Variants in ELAPOR2 observed in about 807,000 individuals in gnomAD.
ELAPOR2 encodes the protein endosome/lysosome-associated apoptosis and autophagy regulator family member 2.
ELAPOR2 carries 89 observed loss-of-function variants against 120.7 expected under a neutral mutation model. The observed-to-expected ratio is 0.74, with a 90% CI of 0.62 to 0.88. ELAPOR2 has a LOEUF of 0.88. ELAPOR2 is among the 40% of genes least tolerant of loss of function. The probability of loss-of-function intolerance (pLI) is 0.00; values close to 1 mark genes in which losing one functional copy is unlikely to be tolerated. For synonymous variants in ELAPOR2, 444 were observed against 444.9 expected (o/e 1.00, Z 0.03); for missense variants, 1,134 against 1,251.6 (o/e 0.91, Z 1.42).
In ELAPOR2 at chr7:86,880,518, G is replaced by A. The variant is rs760720920; in HGVS notation, c.3043C>T (p.His1015Tyr). Residue 1015 changes from histidine (H) to tyrosine (Y), a missense_variant, in exon 22 of 22, where the codon CAT becomes TAT. Around this residue, in one of 3 missense-constraint regions of ELAPOR2, gnomAD observed 831 missense variants for 867.6 expected, o/e 0.96. Coordinates refer to ENST00000450689, the MANE Select transcript of ELAPOR2 (RefSeq NM_001142749.3). ...GTTTTCAGTTGAACAGATTCAAAATGGTCTTCTTTTTCCTAAGAAAAAATA... is the reference window on the plus strand; with the variant it reads ...GTTTTCAGTTGAACAGATTCAAAATAGTCTTCTTTTTCCTAAGAAAAAATA... ...KSLATKEKED[H>Y]FESVQLKTSR... 2.5e-6 allele frequency: 4 copies of A among 1,603,214 alleles called. No homozygotes were observed. Among genetic ancestry groups the A allele is most frequent in the Non-Finnish European group, 3.4e-6 (4 of 1,171,108 alleles).
intron 1 of ELAPOR2, among the ~76,000 whole-genome samples, chr7:87,035,592 A>T (rs916185214): frequency 2.6e-5 from 4 of 152,148 alleles, no homozygotes; most frequent in African/African-American, 9.7e-5. Context: ...TCTCAAGCCA[A>T]TGTCACCCTT....
intron 12 of ELAPOR2, among the ~76,000 whole-genome samples, chr7:86,916,412 G>A (rs1413511291): frequency 6.6e-6 from 1 of 152,038 alleles, no homozygotes; most frequent in African/African-American, 2.4e-5. Flanking sequence ...AACACATAGG[G>A]AATGAAAAAG....
chr7:87,020,341 C>G (rs1441054817), intron 1 of ELAPOR2, among the ~76,000 whole-genome samples: 1 of 152,094 alleles, frequency 6.6e-6, no homozygotes, highest in Non-Finnish European at 1.5e-5. Flanking sequence ...CATAGCAGCA[C>G]TCTTCACAAC....
At chr7:86,995,513 T>C (rs1465439881) in intron 1 of ELAPOR2, among the ~76,000 whole-genome samples, 1 of 152,204 alleles carries the variant, frequency 6.6e-6, no homozygotes, top group African/African-American at 2.4e-5. Context: ...GAAAGCAAGC[T>C]GGAAGGGCAA....
chr7:86,885,560 A>G (rs1222800371), intron 21 of ELAPOR2, among the ~76,000 whole-genome samples: 3 of 152,108 alleles, frequency 2.0e-5, no homozygotes, highest in African/African-American at 7.2e-5. Flanking sequence ...TAGAAAGGGG[A>G]CTAAAGTTTT....
intron 10 of ELAPOR2, among the ~76,000 whole-genome samples, chr7:86,920,322 G>A (rs1332294723): frequency 6.6e-6 from 1 of 152,090 alleles, no homozygotes; most frequent in Non-Finnish European, 1.5e-5. Context: ...TCTAAGAGTT[G>A]AATAGCCATA....
At chr7:87,006,170 T>TA (rs778297301) in intron 1 of ELAPOR2, among the ~76,000 whole-genome samples, 2 of 152,070 alleles carry the variant, frequency 1.3e-5, no homozygotes, top group Non-Finnish European at 2.9e-5. Context: ...GTTTTAGAAT[T>TA]TAGAATCAGC....
intron 2 of ELAPOR2, among the ~76,000 whole-genome samples, chr7:86,951,130 C>T (rs980957988): frequency 4.6e-5 from 7 of 152,156 alleles, no homozygotes; most frequent in African/African-American, 1.7e-4. Context: ...ATCCAGCTCA[C>T]TACCTGCTTT....
chr7:87,015,186 CA>C (rs1414155321), intron 1 of ELAPOR2, among the ~76,000 whole-genome samples: 1 of 152,094 alleles, frequency 6.6e-6, no homozygotes, highest in African/African-American at 2.4e-5. Context: ...GCACTATATT[CA>C]AAAAGTGCCT....
chr7:86,985,576 C>A (rs1792697130), intron 1 of ELAPOR2, among the ~76,000 whole-genome samples: 1 of 152,080 alleles, frequency 6.6e-6, no homozygotes, highest in African/African-American at 2.4e-5. Flanking sequence ...ATAAACAGAA[C>A]CATCGACAAA....
At chr7:86,906,003 G>A (rs149680888) in intron 18 of ELAPOR2, among the ~76,000 whole-genome samples, 1 of 152,240 alleles carries the variant, frequency 6.6e-6, no homozygotes, top group East Asian at 1.9e-4. Context: ...GAGAGTTAGA[G>A]TGATGTGTTT....
At position 86,879,733 on chromosome 7, in the gene ELAPOR2, T is replaced by G. The variant is rs1584294023; in HGVS notation, c.*738A>C. On this transcript the variant is annotated 3_prime_UTR_variant, in exon 22 of 22. Coordinates refer to ENST00000450689, the MANE Select transcript of ELAPOR2 (RefSeq NM_001142749.3). Reference sequence around the variant, plus strand: ...GACTTCTATGATACTAGCAGCTAGTTTGCATTAATGGAGAATTAGGGCTTC... The same window carrying G: ...GACTTCTATGATACTAGCAGCTAGTGTGCATTAATGGAGAATTAGGGCTTC... 2.6e-5 allele frequency: 4 copies of G among 152,332 alleles called. No homozygotes were observed. Among genetic ancestry groups the G allele is most frequent in the Admixed American group, 2.6e-4 (4 of 15,288 alleles). 9.4% of individuals were successfully genotyped at this position (152,332 alleles called of 1,614,324 possible).
intron 10 of ELAPOR2, among the ~76,000 whole-genome samples, chr7:86,920,065 A>G (rs983224102): frequency 2.6e-4 from 40 of 152,148 alleles, no homozygotes; most frequent in Admixed American, 2.6e-3. Flanking sequence ...CTCTAAAAGA[A>G]AATATCAGTA....
At chr7:86,937,483 C>T (rs569736877) in intron 8 of ELAPOR2, among the ~76,000 whole-genome samples, 3 of 152,200 alleles carry the variant, frequency 2.0e-5, no homozygotes, top group Middle Eastern at 3.4e-3. Flanking sequence ...CTGCTGTAGG[C>T]TAATTCTTTA....
chr7:86,971,060 G>C (rs2116508640), intron 1 of ELAPOR2, among the ~76,000 whole-genome samples: 1 of 152,168 alleles, frequency 6.6e-6, no homozygotes, highest in African/African-American at 2.4e-5. Flanking sequence ...TTCTTTCTTA[G>C]AAAGATCCAG....
At chr7:86,952,609 T>C (rs1009477517) in intron 2 of ELAPOR2, among the ~76,000 whole-genome samples, 3 of 152,234 alleles carry the variant, frequency 2.0e-5, no homozygotes, top group African/African-American at 7.2e-5. Flanking sequence ...ATTTTTAATG[T>C]ACTACTCCTA....
intron 8 of ELAPOR2, among the ~76,000 whole-genome samples, chr7:86,935,379 C>T (rs1790519694): frequency 6.6e-6 from 1 of 152,078 alleles, no homozygotes; most frequent in African/African-American, 2.4e-5. Flanking sequence ...CAAAAATGCT[C>T]TCCTTCCTTG....
chr7:86,952,099 C>A (rs964484078), intron 2 of ELAPOR2, among the ~76,000 whole-genome samples: 1 of 152,208 alleles, frequency 6.6e-6, no homozygotes, highest in Non-Finnish European at 1.5e-5. Context: ...TCACCTTGTT[C>A]ATTCATGTAG....
intron 8 of ELAPOR2, among the ~76,000 whole-genome samples, chr7:86,929,270 T>G (rs1790217253): frequency 6.6e-6 from 1 of 152,006 alleles, no homozygotes; most frequent in South Asian, 2.1e-4. Flanking sequence ...TTGTCTGATT[T>G]ATTTCAGTTG....
Sources: gnomAD v4.1 joint callset for allele counts (sites outside exome capture counted in the v4.1 genomes callset) on GRCh38, gnomAD v4.1.1 for gene constraint, gnomAD v4.1.1 regional missense constraint, MANE v1.5 for transcripts, NCBI Gene and HGNC (gene_info 2026-07-23, HGNC 2026-07-21) for gene names.